Variants in EPB41L3 observed in about 807,000 individuals in gnomAD.
EPB41L3 encodes the protein band 4.1-like protein 3.
In EPB41L3, 57 loss-of-function variants were observed where a neutral mutation model predicts 127.1. That is an observed-to-expected ratio of 0.45 (90% CI 0.36 to 0.56). EPB41L3 has a LOEUF of 0.56. Among genes scored for constraint, EPB41L3 ranks in the 20% least tolerant of loss-of-function variants. The probability of loss-of-function intolerance (pLI) is 0.00; values close to 1 mark genes in which losing one functional copy is unlikely to be tolerated. For synonymous variants in EPB41L3, 572 were observed against 549.5 expected (o/e 1.04, Z -0.57); for missense variants, 1,273 against 1,372.2 (o/e 0.93, Z 1.14).
At chr18:5,408,839 C>A (rs2075836249) in intron 14 of EPB41L3, among the ~76,000 whole-genome samples, 1 of 152,180 alleles carries the variant, frequency 6.6e-6, no homozygotes, top group South Asian at 2.1e-4. Flanking sequence ...AATTAGTAAG[C>A]AGGCCAAGCC....
At chr18:5,422,102 C>T (rs1054776192) in intron 11 of EPB41L3, among the ~76,000 whole-genome samples, 1 of 152,072 alleles carries the variant, frequency 6.6e-6, no homozygotes, top group Non-Finnish European at 1.5e-5. Context: ...GGCCTTATTC[C>T]TATTATACAG....
At chr18:5,509,445 T>G (rs2148651781) in intron 1 of EPB41L3, among the ~76,000 whole-genome samples, 1 of 152,330 alleles carries the variant, frequency 6.6e-6, no homozygotes, top group Admixed American at 6.5e-5. Flanking sequence ...AATAAAAGGT[T>G]TGCAATTTAA....
chr18:5,549,159 G>A (rs1241545505), upstream of EPB41L3, among the ~76,000 whole-genome samples: 1 of 152,176 alleles, frequency 6.6e-6, no homozygotes, highest in Non-Finnish European at 1.5e-5. Flanking sequence ...TAAACATACA[G>A]CAATAACTAC....
chr18:5,611,776 A>G (rs550541448), intron 3 of EPB41L3, among the ~76,000 whole-genome samples: 1 of 152,082 alleles, frequency 6.6e-6, no homozygotes, highest in South Asian at 2.1e-4. Flanking sequence ...AAAAATTTTT[A>G]AAAATTAGCC....
intron 1 of EPB41L3, among the ~76,000 whole-genome samples, chr18:5,492,948 T>C (rs2090766849): frequency 6.6e-6 from 1 of 152,236 alleles, no homozygotes; most frequent in African/African-American, 2.4e-5. Flanking sequence ...AGGATGCATG[T>C]GCAGGTGTGA....
rs572251158 is a variant in EPB41L3, at chr18:5,617,608, G to A, written c.-467-3185C>T. 3.9e-5 allele frequency among the ~76,000 whole-genome samples: 6 copies of A among 152,244 alleles called. No homozygotes were observed. The East Asian group carries it at 1.2e-3, about 29-fold the overall frequency. On this transcript the variant is annotated intron_variant, in intron 1 of 21. Coordinates refer to the EPB41L3 transcript ENST00000545076. ...GCTGGGATTACAGGCGTGAGCCACC[G>A]CGCCCGGCCCAAGTCATTCTATTTT...
At chr18:5,581,569 A>C (rs1459955825) in intron 3 of EPB41L3, among the ~76,000 whole-genome samples, 1 of 152,254 alleles carries the variant, frequency 6.6e-6, no homozygotes, top group African/African-American at 2.4e-5. Context: ...TCAACATATA[A>C]GAACCAAATA....
chr18:5,421,243 A>G (rs2077435180), intron 11 of EPB41L3, among the ~76,000 whole-genome samples: 1 of 152,194 alleles, frequency 6.6e-6, no homozygotes, highest in Non-Finnish European at 1.5e-5. Flanking sequence ...CATAAGGAAA[A>G]CAACATTCAC....
chr18:5,587,028 G>C (rs2094447881), intron 3 of EPB41L3, among the ~76,000 whole-genome samples: 1 of 152,096 alleles, frequency 6.6e-6, no homozygotes, highest in Admixed American at 6.5e-5. Flanking sequence ...ACATATTTTA[G>C]TTTGCCATGT....
At chr18:5,552,315 C>G (rs182302651) in intron 3 of EPB41L3, among the ~76,000 whole-genome samples, 22 of 152,338 alleles carry the variant, frequency 1.4e-4, no homozygotes, top group Admixed American at 1.4e-3. Context: ...AAGAACTCAT[C>G]ACACGTTAAA....
At chr18:5,458,250 T>C (rs1172601803) in intron 3 of EPB41L3, among the ~76,000 whole-genome samples, 2 of 152,154 alleles carry the variant, frequency 1.3e-5, no homozygotes, top group Non-Finnish European at 2.9e-5. Flanking sequence ...TTCCCACAAA[T>C]GAAAAACCTG....
In EPB41L3 at chr18:5,418,695, T is replaced by C. The variant is rs77129031; in HGVS notation, c.1506+1016A>G. ...TAATCTTATCCCAAAAAATAAAAGA[T>C]GATGGATTGGGCCATTTGTAATATT... On this transcript the variant is annotated intron_variant, in intron 12 of 22. Transcript: ENST00000341928. Among the ~76,000 whole-genome samples the C allele has an allele frequency of 4.5e-3, 692 of 152,340 alleles. 6 individuals carry two copies. Among genetic ancestry groups the C allele is most frequent in the African/African-American group, 0.016 (670 of 41,588 alleles).
At chr18:5,470,816 G>C (rs975188000) in intron 3 of EPB41L3, among the ~76,000 whole-genome samples, 5 of 152,184 alleles carry the variant, frequency 3.3e-5, no homozygotes, top group Admixed American at 3.3e-4. Context: ...AAGCGCATTG[G>C]TAGCAGACAG....
intron 3 of EPB41L3, chr18:5,570,117 C>T (rs2094258039): frequency 6.6e-6 from 1 of 152,126 alleles, no homozygotes; most frequent in African/African-American, 2.4e-5. Flanking sequence ...GATTGGTCTG[C>T]CTCCTCTATC....
intron 3 of EPB41L3, among the ~76,000 whole-genome samples, chr18:5,448,522 TTCCAAAAGACATGTTG>T (rs1225194422): frequency 2.0e-5 from 3 of 152,202 alleles, no homozygotes; most frequent in Non-Finnish European, 4.4e-5. Flanking sequence ...TTTATTATGG[TTCCAAAAGACATGTTG>T]TTCTTTAAGT....
intron 15 of EPB41L3, chr18:5,407,411 A>G (rs1046496874): frequency 2.1e-6 from 1 of 470,698 alleles, no homozygotes; most frequent in Non-Finnish European, 3.7e-6. Context: ...ACACACAGAC[A>G]TGCACTGGTA....
At chr18:5,433,118 A>G (rs1336518690) in intron 8 of EPB41L3, among the ~76,000 whole-genome samples, 4 of 152,214 alleles carry the variant, frequency 2.6e-5, no homozygotes, top group African/African-American at 7.2e-5. Context: ...GTGACGGCAC[A>G]GAGTGGGAAA....
At chr18:5,403,101 T>C (rs114312846) in intron 16 of EPB41L3, among the ~76,000 whole-genome samples, 2,973 of 152,284 alleles carry the variant, frequency 0.02, 99 homozygotes, top group African/African-American at 0.067. Flanking sequence ...AACTCTAACA[T>C]GGACAAGGCT....
Position 5,489,075 on chromosome 18 carries a change from G to A in EPB41L3, c.109C>T (p.Pro37Ser). 1.3e-6 allele frequency: 2 copies of A among 1,594,496 alleles called. No homozygotes were observed. Among genetic ancestry groups the A allele is most frequent in the Non-Finnish European group, 1.7e-6 (2 of 1,174,968 alleles). Residue 37 changes from proline (P) to serine (S), a missense_variant, in exon 2 of 23, where the codon CCC becomes TCC. Physicochemically the swap from Pro to Ser is moderately conservative, Grantham distance 74. Around this residue, in one of 3 missense-constraint regions of EPB41L3, gnomAD observed 182 missense variants for 149.2 expected, o/e 1.22. Transcript: ENST00000341928. ...AGGGCCTGCTGCTGCTCCTCCTTGG[G>A]CGGCTCCGGCACGGGCGCCCCCGCG... is the stretch of plus-strand genomic sequence containing the variant. ...GRAGAPVPEPPKEEQQQALEQ... is the reference protein window; with the variant it reads ...GRAGAPVPEPSKEEQQQALEQ...
Sources: gnomAD v4.1 joint callset for allele counts (sites outside exome capture counted in the v4.1 genomes callset) on GRCh38, gnomAD v4.1.1 for gene constraint, gnomAD v4.1.1 regional missense constraint, MANE v1.5 for transcripts, NCBI Gene and HGNC (gene_info 2026-07-23, HGNC 2026-07-21) for gene names.